Variants in PTPN3 observed in about 807,000 individuals in gnomAD.
PTPN3 encodes protein tyrosine phosphatase non-receptor type 3.
In PTPN3, 96 loss-of-function variants were observed where a neutral mutation model predicts 132.7. The observed-to-expected ratio is 0.72, with a 90% CI of 0.61 to 0.86. The LOEUF (loss-of-function observed/expected upper bound fraction) is 0.86, where lower values mean the gene tolerates loss of function less well. Ranked by LOEUF, PTPN3 falls within the 40% of genes least tolerant of loss-of-function variation. The pLI is 0.00. For synonymous variants in PTPN3, 398 were observed against 429.0 expected, an observed-to-expected ratio of 0.93 and a Z score of 0.89; for missense variants, 1,125 against 1,159.6, an observed-to-expected ratio of 0.97 and a Z score of 0.43.
intron 2 of PTPN3, among the ~76,000 whole-genome samples, chr9:109,458,223 C>T (rs7033652): frequency 0.1 from 15,154 of 152,118 alleles, 1,036 homozygotes; most frequent in African/African-American, 0.19. Context: ...CGACTGGGGC[C>T]GTAGAGGAAG....
At chr9:109,494,980 A>G (rs1847614608) in intron 1 of PTPN3, among the ~76,000 whole-genome samples, 1 of 152,076 alleles carries the variant, frequency 6.6e-6, no homozygotes, top group Non-Finnish European at 1.5e-5. Context: ...TGGGTCTTAG[A>G]ACCCATTACC....
intron 7 of PTPN3, among the ~76,000 whole-genome samples, chr9:109,443,190 C>T (rs1451857745): frequency 6.6e-6 from 1 of 151,928 alleles, no homozygotes. Context: ...ATACTACCCC[C>T]TCAGTCTCCC....
intron 24 of PTPN3, 99 bp from the exon 25 acceptor site, chr9:109,381,886 C>T: frequency 6.9e-7 from 1 of 1,448,708 alleles, no homozygotes; most frequent in Non-Finnish European, 9.6e-7. Flanking sequence ...GGCTTTCCTC[C>T]CTTGGCCTTC....
Position 109,389,220 on chromosome 9 carries a change from T to C in PTPN3, c.2253+13A>G. The C allele has an allele frequency of 6.2e-7, 1 of 1,613,682 alleles. No homozygotes were observed. The highest frequency in any genetic ancestry group is 1.1e-5 in the South Asian group (1 of 90,956). ...ACACTGCACACATCTGAATTAGAAA[T>C]CAAGCTACTTACCCGCCCTCGTTCT... On this transcript the variant is annotated intron_variant, in intron 22 of 25. Transcript: ENST00000374541.
intron 13 of PTPN3, among the ~76,000 whole-genome samples, chr9:109,421,886 T>G (rs1842913454): frequency 6.6e-6 from 1 of 152,190 alleles, no homozygotes; most frequent in South Asian, 2.1e-4. Flanking sequence ...CCACGCACTC[T>G]TACTCCAGTG....
the PTPN3 span, among the ~76,000 whole-genome samples, chr9:109,528,255 C>T: frequency 4.6e-5 from 7 of 152,244 alleles, no homozygotes; most frequent in South Asian, 1.5e-3. Flanking sequence ...CAAATGAGTT[C>T]TAATGTTCAG....
intron 11 of PTPN3, among the ~76,000 whole-genome samples, chr9:109,428,048 C>T (rs980962232): frequency 1.3e-5 from 2 of 152,192 alleles, no homozygotes; most frequent in Non-Finnish European, 2.9e-5. Flanking sequence ...ATATATACAC[C>T]TACCAAGCCA....
chr9:109,406,435 T>C lies in PTPN3; in HGVS notation c.1792+27A>G, dbSNP rs753691499. On this transcript the variant is annotated intron_variant, in intron 18 of 25. Coordinates refer to ENST00000374541, the MANE Select transcript of PTPN3 (RefSeq NM_002829.4). ...CAGCTTGGCTAGGACAGCTTCCCTA[T>C]GGCTCCTCCCCCCAGGTGGCCATTA... The C allele has an allele frequency of 1.4e-5, 22 of 1,607,318 alleles. 1 individual carries two copies. In the Admixed American group the frequency reaches 1.5e-4, roughly 11 times the overall value.
Position 109,382,297 on chromosome 9 carries a change from C to T in PTPN3, c.2528+5G>A, listed in dbSNP as rs773018613. On this transcript the variant is annotated splice_donor_5th_base_variant and intron_variant, in intron 24 of 25. Coordinates refer to ENST00000374541, the MANE Select transcript of PTPN3 (RefSeq NM_002829.4). The stretch of plus-strand genomic sequence containing the variant: ...CCAAACCTAACAAAACAGCAAGCGC[C>T]ATACCTGCAGTGAACTAGGACGGGC... 95 of 1,613,562 alleles carry T rather than the reference C, an allele frequency of 5.9e-5. No individual in the cohort carries two copies. Among genetic ancestry groups the T allele is most frequent in the Non-Finnish European group, 7.7e-5 (91 of 1,179,742 alleles).
rs557081144 is a variant in PTPN3 at position 109,375,894 on chromosome 9, C to T, written c.*3662G>A. 1 of 152,328 alleles carries T rather than the reference C, an allele frequency of 6.6e-6. No homozygotes were observed. The highest frequency in any genetic ancestry group is 6.5e-5 in the Admixed American group (1 of 15,302). The allele number at this position is 152,328 out of a possible 1,614,324, so 9.4% of individuals were successfully genotyped here. A position where few individuals can be genotyped will look rare whatever the true frequency, so the allele number is the denominator to read the frequency against. On this transcript the variant is annotated 3_prime_UTR_variant, in exon 26 of 26. Transcript: ENST00000374541. The stretch of plus-strand genomic sequence containing the variant: ...GAGAGCTATGAGAATGGTGGCCCAG[C>T]CCGGCCATCAGACTCCCAAGCATTT...
At chr9:109,422,307 T>A (rs1171652176) in intron 13 of PTPN3, among the ~76,000 whole-genome samples, 2 of 152,224 alleles carry the variant, frequency 1.3e-5, no homozygotes, top group African/African-American at 2.4e-5. Flanking sequence ...CATCCTTACA[T>A]CATTTACATC....
rs546927555 is a variant in PTPN3, at chr9:109,376,208, A to G, written c.*3348T>C. The G allele has an allele frequency of 6.6e-6, 1 of 152,250 alleles. No individual in the cohort carries two copies. Among genetic ancestry groups the G allele is most frequent in the East Asian group, 1.9e-4 (1 of 5,186 alleles). 9.4% of individuals were successfully genotyped at this position (152,250 alleles called of 1,614,324 possible). ...CAACCTTCCCTTTTTACATATAAGA[A>G]AACTCAGGGTTGAGGGCAACATATC... On this transcript the variant is annotated 3_prime_UTR_variant, in exon 26 of 26. Coordinates refer to ENST00000374541, the MANE Select transcript of PTPN3 (RefSeq NM_002829.4).
intron 19 of PTPN3, among the ~76,000 whole-genome samples, chr9:109,400,500 A>AGG (rs1421352865): frequency 1.3e-5 from 2 of 152,226 alleles, no homozygotes; most frequent in Non-Finnish European, 2.9e-5. Flanking sequence ...GGCTCCGTGT[A>AGG]GGGAGACAGC....
intron 13 of PTPN3, among the ~76,000 whole-genome samples, chr9:109,421,894 G>A (rs1842913801): frequency 6.6e-6 from 1 of 152,178 alleles, no homozygotes; most frequent in South Asian, 2.1e-4. Flanking sequence ...TCTTACTCCA[G>A]TGTGGAGCTG....
chr9:109,425,475 C>G (rs1169301532), intron 12 of PTPN3, among the ~76,000 whole-genome samples: 2 of 152,150 alleles, frequency 1.3e-5, no homozygotes, highest in Admixed American at 6.5e-5. Flanking sequence ...CTTTGGGAGG[C>G]CGAGGCAGGC....
At chr9:109,422,646 G>C in intron 13 of PTPN3, 72 bp downstream of exon 13, 1 of 1,459,378 alleles carries the variant, frequency 6.9e-7, no homozygotes, top group Non-Finnish European at 9.3e-7. Context: ...TTTATAAGTT[G>C]AGTTTTTATT....
intron 4 of PTPN3, among the ~76,000 whole-genome samples, chr9:109,456,059 C>CT (rs1245448753): frequency 1.3e-5 from 2 of 152,158 alleles, no homozygotes; most frequent in Non-Finnish European, 2.9e-5. Context: ...GAGGGAAGAA[C>CT]TTTGAGAATC....
At chr9:109,417,089 A>G (rs1842564772) in intron 14 of PTPN3, among the ~76,000 whole-genome samples, 1 of 152,208 alleles carries the variant, frequency 6.6e-6, no homozygotes, top group Non-Finnish European at 1.5e-5. Flanking sequence ...TTTGGTCTTC[A>G]TTCGGAAGCA....
chr9:109,412,180 CCTCT>C (rs1270184205), intron 14 of PTPN3, among the ~76,000 whole-genome samples: 1 of 151,880 alleles, frequency 6.6e-6, no homozygotes, highest in Non-Finnish European at 1.5e-5. Flanking sequence ...CCTCTGTCTC[CCTCT>C]CTCTCCCTCC....
Sources: allele counts gnomAD v4.1 joint callset (sites outside exome capture counted in the v4.1 genomes callset), GRCh38; gene constraint gnomAD v4.1.1; transcripts MANE v1.5; gene names NCBI Gene and HGNC (gene_info 2026-07-23, HGNC 2026-07-21).